Variants in MACROD2 observed in about 807,000 individuals in gnomAD.
MACROD2 encodes the protein mono-ADP ribosylhydrolase 2, also known as ADP-ribose glycohydrolase MACROD2.
A neutral mutation model predicts 70.4 loss-of-function variants in MACROD2; 36 were observed. That is an observed-to-expected ratio of 0.51 (90% CI 0.39 to 0.68). The LOEUF (loss-of-function observed/expected upper bound fraction) is 0.68, where lower values mean the gene tolerates loss of function less well. Ranked by LOEUF, MACROD2 falls within the 30% of genes least tolerant of loss-of-function variation. The pLI, the probability that MACROD2 is intolerant of heterozygous loss-of-function variation, is 0.00. For missense variants in MACROD2, 496 were observed against 538.4 expected (o/e 0.92, Z 0.78); for synonymous variants, 172 against 178.8 (o/e 0.96, Z 0.30).
intron 10 of MACROD2, among the ~76,000 whole-genome samples, chr20:15,896,477 A>G (rs1023270267): frequency 2.6e-5 from 4 of 152,272 alleles, no homozygotes; most frequent in Non-Finnish European, 4.4e-5. Context: ...TTTTTAAAGT[A>G]CAGACTGCAA....
intron 5 of MACROD2, among the ~76,000 whole-genome samples, chr20:14,813,606 G>T (rs2072740787): frequency 6.6e-6 from 1 of 152,012 alleles, no homozygotes; most frequent in Non-Finnish European, 1.5e-5. Context: ...ATATTTTAAA[G>T]GATACAAATA....
chr20:14,572,540 A>G (rs1032067776), intron 4 of MACROD2, among the ~76,000 whole-genome samples: 1 of 152,204 alleles, frequency 6.6e-6, no homozygotes, highest in African/African-American at 2.4e-5. Context: ...AATAAATTGA[A>G]TGAAAATGAA....
In MACROD2 at chr20:15,967,736, A is replaced by T. The variant is rs1054590277; in HGVS notation, c.985+106A>T. ...TTGAATTTTTCTGGAAAAATATTGAATTCCAATAACACTTTATTAGCACTG... is the reference window on the plus strand; with the variant it reads ...TTGAATTTTTCTGGAAAAATATTGATTTCCAATAACACTTTATTAGCACTG... On this transcript the variant is annotated intron_variant, in intron 13 of 17. Transcript: ENST00000684519. 9 of 972,656 alleles carry T rather than the reference A, an allele frequency of 9.3e-6. No individual in the cohort carries two copies. The Admixed American group carries it at 1.1e-4, about 12-fold the overall frequency. The allele number at this position is 972,656 out of a possible 1,614,324, so 60.3% of individuals were successfully genotyped here.
intron 5 of MACROD2, among the ~76,000 whole-genome samples, chr20:15,033,157 T>G (rs1203722110): frequency 6.6e-6 from 1 of 152,170 alleles, no homozygotes; most frequent in African/African-American, 2.4e-5. Context: ...TGGTGATGGT[T>G]GCACAAAACC....
At chr20:15,496,074 G>C (rs2047293789) in intron 7 of MACROD2, among the ~76,000 whole-genome samples, 1 of 152,184 alleles carries the variant, frequency 6.6e-6, no homozygotes, top group African/African-American at 2.4e-5. Flanking sequence ...AGACTAGAGA[G>C]ACAAGAAAGG....
intron 8 of MACROD2, among the ~76,000 whole-genome samples, chr20:15,592,037 T>C (rs574353038): frequency 6.6e-5 from 10 of 152,192 alleles, no homozygotes; most frequent in Admixed American, 6.5e-4. Context: ...TCTTCCACCA[T>C]CTCGGTCAAG....
At chr20:14,616,025 T>C (rs1022110315) in intron 4 of MACROD2, among the ~76,000 whole-genome samples, 1 of 152,122 alleles carries the variant, frequency 6.6e-6, no homozygotes, top group African/African-American at 2.4e-5. Flanking sequence ...CTTTGATCCA[T>C]TATCCGCAAA....
chr20:15,937,749 G>A (rs556503564), intron 12 of MACROD2, among the ~76,000 whole-genome samples: 22 of 135,928 alleles, frequency 1.6e-4, no homozygotes, highest in African/African-American at 8.1e-4. Context: ...ATATATATAT[G>A]TGTGTATATA....
intron 5 of MACROD2, among the ~76,000 whole-genome samples, chr20:15,047,307 G>C (rs1411570124): frequency 6.6e-6 from 1 of 152,116 alleles, no homozygotes. Context: ...TTAATATTCT[G>C]TACTTGATGT....
At chr20:15,942,097 G>A (rs2065758612) in intron 12 of MACROD2, among the ~76,000 whole-genome samples, 1 of 152,166 alleles carries the variant, frequency 6.6e-6, no homozygotes, top group Non-Finnish European at 1.5e-5. Flanking sequence ...CTCTTTGCCA[G>A]CAGTTTTGTT....
chr20:14,650,538 A>C (rs1489528776), intron 4 of MACROD2, among the ~76,000 whole-genome samples: 2 of 152,220 alleles, frequency 1.3e-5, no homozygotes, highest in Non-Finnish European at 2.9e-5. Flanking sequence ...GTCAAAAATT[A>C]GTAATTATCA....
intron 4 of MACROD2, among the ~76,000 whole-genome samples, chr20:14,627,419 C>A (rs1984242960): frequency 6.6e-6 from 1 of 152,106 alleles, no homozygotes; most frequent in African/African-American, 2.4e-5. Flanking sequence ...GAAGGGTCAT[C>A]TCAGGTTCAG....
At chr20:15,068,537 C>T (rs1011623017) in intron 5 of MACROD2, among the ~76,000 whole-genome samples, 1 of 152,038 alleles carries the variant, frequency 6.6e-6, no homozygotes, top group Admixed American at 6.5e-5. Context: ...GTTTGGTGCC[C>T]TCCTCATAGT....
At chr20:16,026,160 ACAAAAC>A (rs1265405562) in intron 15 of MACROD2, among the ~76,000 whole-genome samples, 2 of 87,532 alleles carry the variant, frequency 2.3e-5, no homozygotes, top group Non-Finnish European at 5.4e-5. Context: ...TCTCAAAAAA[ACAAAAC>A]AACAAACAAA....
At chr20:15,310,648 G>C (rs1402601536) in intron 6 of MACROD2, among the ~76,000 whole-genome samples, 1 of 152,092 alleles carries the variant, frequency 6.6e-6, no homozygotes, top group Non-Finnish European at 1.5e-5. Context: ...ACACATGCAT[G>C]AACTTGAAGG....
At chr20:14,250,769 A>G (rs891240345) in intron 3 of MACROD2, among the ~76,000 whole-genome samples, 2 of 152,280 alleles carry the variant, frequency 1.3e-5, no homozygotes, top group South Asian at 4.1e-4. Context: ...AGTAATGACA[A>G]TAATAATAAT....
At chr20:14,216,549 G>A in intron 3 of MACROD2, among the ~76,000 whole-genome samples, 1 of 151,904 alleles carries the variant, frequency 6.6e-6, no homozygotes, top group Non-Finnish European at 1.5e-5. Flanking sequence ...AAGAATGATG[G>A]TGGTATTTTG....
chr20:14,359,645 C>T (rs1400606095), intron 3 of MACROD2, among the ~76,000 whole-genome samples: 1 of 152,094 alleles, frequency 6.6e-6, no homozygotes, highest in African/African-American at 2.4e-5. Flanking sequence ...GGTCAAGGGG[C>T]AGGATTGCTT....
chr20:14,011,260 T>G (rs143545728), intron 2 of MACROD2, among the ~76,000 whole-genome samples: 27 of 152,266 alleles, frequency 1.8e-4, no homozygotes, highest in Non-Finnish European at 2.9e-4. Context: ...TCTCATTATC[T>G]AGGCCTTTCT....
Sources: gnomAD v4.1 joint callset for allele counts (sites outside exome capture counted in the v4.1 genomes callset) on GRCh38, gnomAD v4.1.1 for gene constraint, MANE v1.5 for transcripts, NCBI Gene and HGNC (gene_info 2026-07-23, HGNC 2026-07-21) for gene names.